The following SUGCT variants were observed in gnomAD, a reference collection of about 807,000 sequenced individuals.
SUGCT encodes succinyl-CoA:glutarate-CoA transferase.
A neutral mutation model predicts 55.0 loss-of-function variants in SUGCT; 41 were observed. That is an observed-to-expected ratio of 0.74 (90% CI 0.58 to 0.97). SUGCT has a LOEUF of 0.97. SUGCT is among the 50% of genes least tolerant of loss of function. SUGCT has a pLI of 0.00. For synonymous variants in SUGCT, 187 were observed against 200.4 expected, an observed-to-expected ratio of 0.93 and a Z score of 0.56; for missense variants, 568 against 547.8, an observed-to-expected ratio of 1.04 and a Z score of -0.37.
At chr7:40,241,066 T>C (rs912957487) in intron 7 of SUGCT, among the ~76,000 whole-genome samples, 2 of 152,316 alleles carry the variant, frequency 1.3e-5, no homozygotes, top group South Asian at 2.1e-4. Flanking sequence ...GCTGAACTTA[T>C]TGCTTGTGGA....
At chr7:40,273,448 G>A (rs1435650988) in intron 7 of SUGCT, among the ~76,000 whole-genome samples, 1 of 152,152 alleles carries the variant, frequency 6.6e-6, no homozygotes, top group Non-Finnish European at 1.5e-5. Context: ...TAGGTATTCT[G>A]TGCGATTTAA....
intron 12 of SUGCT, among the ~76,000 whole-genome samples, chr7:40,742,211 T>G (rs1787497843): frequency 6.6e-6 from 1 of 152,092 alleles, no homozygotes; most frequent in Non-Finnish European, 1.5e-5. Context: ...TTTTTTAAAT[T>G]AGAGAAAATA....
the SUGCT span, among the ~76,000 whole-genome samples, chr7:40,982,839 A>G: frequency 6.6e-6 from 1 of 151,848 alleles, no homozygotes. Context: ...AGTAGAGACA[A>G]TATTTTTCCA....
chr7:40,625,114 C>G (rs145072229), intron 12 of SUGCT, among the ~76,000 whole-genome samples: 1 of 152,104 alleles, frequency 6.6e-6, no homozygotes. Flanking sequence ...CCAATGCCAT[C>G]CCCCAGATTT....
chr7:40,496,564 A>G (rs1791987072), intron 12 of SUGCT, among the ~76,000 whole-genome samples, 178 bp downstream of exon 12: 1 of 152,208 alleles, frequency 6.6e-6, no homozygotes, highest in Non-Finnish European at 1.5e-5. Context: ...GTCCATAAGC[A>G]TACTTATGTC....
chr7:40,930,963 A>G, the SUGCT span, among the ~76,000 whole-genome samples: 8 of 152,316 alleles, frequency 5.3e-5, no homozygotes, highest in African/African-American at 1.9e-4. Flanking sequence ...ACTCTGTTGA[A>G]TAGGAGTGGT....
At chr7:40,280,958 A>C (rs1215841999) in intron 8 of SUGCT, among the ~76,000 whole-genome samples, 2 of 152,154 alleles carry the variant, frequency 1.3e-5, no homozygotes, top group African/African-American at 4.8e-5. Flanking sequence ...ACTTAAAAGA[A>C]GGGGCCCATT....
At chr7:40,168,627 A>G (rs1189520097) in intron 1 of SUGCT, among the ~76,000 whole-genome samples, 1 of 152,214 alleles carries the variant, frequency 6.6e-6, no homozygotes, top group Non-Finnish European at 1.5e-5. Context: ...TGGTCCAGTA[A>G]ATAATGATTT....
At chr7:40,296,503 T>C (rs1794154235) in intron 8 of SUGCT, among the ~76,000 whole-genome samples, 1 of 152,166 alleles carries the variant, frequency 6.6e-6, no homozygotes, top group East Asian at 1.9e-4. Context: ...TTTTATATTG[T>C]AGTTATTAGT....
intron 7 of SUGCT, among the ~76,000 whole-genome samples, chr7:40,248,784 A>G (rs1048559287): frequency 6.6e-6 from 1 of 151,918 alleles, no homozygotes; most frequent in African/African-American, 2.4e-5. Flanking sequence ...ACCATTTTAT[A>G]CTCCTGTCAG....
At chr7:40,180,174 A>G (rs1320989768) in intron 1 of SUGCT, among the ~76,000 whole-genome samples, 1 of 151,258 alleles carries the variant, frequency 6.6e-6, no homozygotes, top group Middle Eastern at 3.4e-3. Flanking sequence ...GCTCAGGTGG[A>G]GTGCAGTGGC....
chr7:40,357,648 T>C (rs1355815980), intron 9 of SUGCT, among the ~76,000 whole-genome samples: 2 of 152,254 alleles, frequency 1.3e-5, no homozygotes, highest in Non-Finnish European at 2.9e-5. Flanking sequence ...ACTTCAGTTA[T>C]GAACACTGAC....
At position 40,215,019 on chromosome 7, in the gene SUGCT, C is replaced by T. The variant is rs113148134; in HGVS notation, c.484+19959C>T. Among the ~76,000 whole-genome samples, 806 of 152,098 alleles carry T rather than the reference C, an allele frequency of 5.3e-3. 10 individuals carry two copies. Among genetic ancestry groups the T allele is most frequent in the African/African-American group, 0.018 (758 of 41,486 alleles). On this transcript the variant is annotated intron_variant, in intron 6 of 13. Transcript: ENST00000335693. ...CATGAGATCAGTCACATAGGCATTC[C>T]CTCTATGGAGAATGAGAGAAATAAC...
chr7:40,897,685 A>T, the SUGCT span, among the ~76,000 whole-genome samples: 1 of 152,266 alleles, frequency 6.6e-6, no homozygotes, highest in Non-Finnish European at 1.5e-5. Flanking sequence ...AGCTTGAAGG[A>T]CTTCCAAAGA....
chr7:40,921,206 G>A, the SUGCT span, among the ~76,000 whole-genome samples: 19 of 151,874 alleles, frequency 1.3e-4, no homozygotes, highest in African/African-American at 4.3e-4. Flanking sequence ...TGAAAATTCT[G>A]GTTTTAAATT....
At chr7:40,364,453 C>T (rs11531504) in intron 9 of SUGCT, among the ~76,000 whole-genome samples, 11 of 151,948 alleles carry the variant, frequency 7.2e-5, no homozygotes, top group South Asian at 2.1e-4. Context: ...TGGCTGGTAC[C>T]GGTTGTTCCT....
chr7:40,521,935 G>T (rs1793553703), intron 12 of SUGCT, among the ~76,000 whole-genome samples: 1 of 152,064 alleles, frequency 6.6e-6, no homozygotes, highest in African/African-American at 2.4e-5. Flanking sequence ...CTACTAAGTT[G>T]TTTCTCGGCT....
At chr7:40,615,079 A>T (rs1798935794) in intron 12 of SUGCT, among the ~76,000 whole-genome samples, 1 of 151,880 alleles carries the variant, frequency 6.6e-6, no homozygotes, top group Non-Finnish European at 1.5e-5. Context: ...AAAAGAAAGA[A>T]AAAAAGAAAA....
chr7:41,020,807 A>G, the SUGCT span, among the ~76,000 whole-genome samples: 1 of 152,260 alleles, frequency 6.6e-6, no homozygotes, highest in Non-Finnish European at 1.5e-5. Flanking sequence ...TTTATAAAAC[A>G]TATCTCAGGG....
Sources: allele counts gnomAD v4.1 joint callset (sites outside exome capture counted in the v4.1 genomes callset), GRCh38; gene constraint gnomAD v4.1.1; transcripts MANE v1.5; gene names NCBI Gene and HGNC (gene_info 2026-07-23, HGNC 2026-07-21).